Variants in RBMX2 observed in about 807,000 individuals in gnomAD.
RBMX2 encodes RNA binding motif protein X-linked 2.
For missense variants in RBMX2, 191 were observed against 256.0 expected, an observed-to-expected ratio of 0.75 and a Z score of 1.73; for synonymous variants, 77 against 94.3, an observed-to-expected ratio of 0.82 and a Z score of 1.07.
rs367934795 is a variant in RBMX2 at position 130,402,238 on chromosome X, C to G, written c.6-17C>G. The G allele has an allele frequency of 2.1e-4, 248 of 1,180,884 alleles. No individual in the cohort carries two copies. The highest frequency in any genetic ancestry group is 2.4e-4 in the Non-Finnish European group (212 of 880,832). ...GCTTTTCTGCCTACCCTCCCCACCC[C>G]CCCCGCCACCGTGAAGCCCTTTAAC... is the stretch of plus-strand genomic sequence containing the variant. On this transcript the variant is annotated splice_polypyrimidine_tract_variant and intron_variant, in intron 1 of 5. Coordinates refer to ENST00000305536, the MANE Select transcript of RBMX2 (RefSeq NM_016024.4).
intron 3 of RBMX2, 54 bp downstream of exon 3, chrX:130,403,907 T>C: frequency 8.8e-7 from 1 of 1,136,003 alleles, no homozygotes; most frequent in Non-Finnish European, 1.2e-6. Flanking sequence ...TTTGTTTCTG[T>C]AATACATTTT....
intron 4 of RBMX2, among the ~76,000 whole-genome samples, chrX:130,410,168 C>T (rs769705369): frequency 1.8e-5 from 2 of 111,378 alleles, no homozygotes; most frequent in South Asian, 7.6e-4. Context: ...AGCCAGCAGT[C>T]AGAGGGCATC....
At chrX:130,407,939 C>T (rs1255768081) in intron 3 of RBMX2, among the ~76,000 whole-genome samples, 4 of 111,375 alleles carry the variant, frequency 3.6e-5, no homozygotes, top group Non-Finnish European at 7.5e-5. Flanking sequence ...GTATTATGCA[C>T]GTGAGCCACC....
Position 130,402,415 on chromosome X carries a change from G to A in RBMX2, c.121+45G>A, listed in dbSNP as rs772975839. Reference sequence around the variant, plus strand: ...TCCTCAGTGCTCTCCAGATTCTCCTGCTCGGTTTCCGACTATTTCGGCATT... The same window carrying A: ...TCCTCAGTGCTCTCCAGATTCTCCTACTCGGTTTCCGACTATTTCGGCATT... On this transcript the variant is annotated intron_variant, in intron 2 of 5. Coordinates refer to ENST00000305536, the MANE Select transcript of RBMX2 (RefSeq NM_016024.4). 5.9e-5 allele frequency: 69 copies of A among 1,178,356 alleles called. 1 individual carries two copies. The South Asian group carries it at 1.1e-3, about 19-fold the overall frequency.
chrX:130,402,864 A>G (rs2034463605), intron 2 of RBMX2, among the ~76,000 whole-genome samples: 1 of 111,930 alleles, frequency 8.9e-6, no homozygotes, highest in African/African-American at 3.3e-5. Flanking sequence ...CCATTACTGT[A>G]TTCACTTTAT....
chrX:130,402,225 A>ACCCAACCCCCC, intron 1 of RBMX2, 30 bp from the exon 2 acceptor site: 2 of 984,788 alleles, frequency 2.0e-6, no homozygotes, highest in Non-Finnish European at 2.8e-6. Flanking sequence ...TTTTCTGCCT[A>ACCCAACCCCCC]CCCTCCCCAC....
chrX:130,402,793 CT>C lies in RBMX2; in HGVS notation c.121+425del, dbSNP rs764568920. Reference sequence around the variant, plus strand: ...GCTACCACCACCCTCCCCCATTCCCCTTCCCTTCCAGAATTCACTTTGCTCC... The same window carrying C: ...GCTACCACCACCCTCCCCCATTCCCCTCCCTTCCAGAATTCACTTTGCTCC... On this transcript the variant is annotated intron_variant, in intron 2 of 5. Coordinates refer to ENST00000305536, the MANE Select transcript of RBMX2 (RefSeq NM_016024.4). 4.5e-5 allele frequency among the ~76,000 whole-genome samples: 5 copies of C among 111,852 alleles called. No individual in the cohort carries two copies. In the East Asian group the frequency reaches 1.4e-3, roughly 31 times the overall value.
chrX:130,412,305 A>G (rs1603271983), intron 5 of RBMX2, 56 bp from the exon 6 acceptor site: 3 of 1,031,534 alleles, frequency 2.9e-6, no homozygotes. Context: ...TTTTTAAGGG[A>G]GTTCTTTTAT....
Position 130,412,679 on chromosome X carries a change from G to A in RBMX2, c.800G>A (p.Arg267Lys). 1 of 1,210,685 alleles carries A rather than the reference G, an allele frequency of 8.3e-7. No individual in the cohort carries two copies. Among genetic ancestry groups the A allele is most frequent in the Admixed American group, 2.2e-5 (1 of 45,898 alleles). Reference protein sequence around the residue: ...REAREEKTRIRDRGRSSDAHS... With the variant: ...REAREEKTRIKDRGRSSDAHS... ...GCAAGAGAAGAAAAGACCAGGATTAGGGACAGAGGGCGGAGCTCAGATGCA... is the reference window on the plus strand; with the variant it reads ...GCAAGAGAAGAAAAGACCAGGATTAAGGACAGAGGGCGGAGCTCAGATGCA... The change falls in exon 6 of 6, where the codon AGG becomes AAG. Residue 267 changes from arginine to lysine, a missense_variant. Transcript: ENST00000305536.
intron 5 of RBMX2, among the ~76,000 whole-genome samples, chrX:130,411,746 A>C (rs1422409130): frequency 1.8e-5 from 2 of 111,206 alleles, no homozygotes; most frequent in Non-Finnish European, 3.8e-5. Context: ...TCAGCACCTC[A>C]GAATGCGACT....
chrX:130,408,382 A>G (rs1431733689), intron 3 of RBMX2, among the ~76,000 whole-genome samples: 2 of 112,482 alleles, frequency 1.8e-5, no homozygotes, highest in African/African-American at 3.2e-5. Context: ...TCTCTTCACA[A>G]TAAAATTCTT....
intron 3 of RBMX2, 80 bp downstream of exon 3, chrX:130,403,933 C>A: frequency 4.0e-6 from 4 of 1,010,416 alleles, no homozygotes; most frequent in Non-Finnish European, 1.4e-6. Context: ...ATCACAAAAA[C>A]CACTTATTTT....
Position 130,412,340 on chromosome X carries a change from CTTCT to C in RBMX2, c.482-14_482-11del, listed in dbSNP as rs756293469. The stretch of plus-strand genomic sequence containing the variant: ...TTTTTTTCCCTTTTCTTATTTACTG[CTTCT>C]TTCTTTTATCCTCCAGACAAAAAGG... On this transcript the variant is annotated splice_polypyrimidine_tract_variant and intron_variant, in intron 5 of 5. Transcript: ENST00000305536. The C allele has an allele frequency of 9.3e-6, 10 of 1,077,617 alleles. No homozygotes were observed. Among genetic ancestry groups the C allele is most frequent in the Non-Finnish European group, 1.1e-5 (9 of 823,031 alleles). 88.8% of individuals were successfully genotyped at this position (1,077,617 alleles called of 1,213,427 possible).
In RBMX2 at chrX:130,402,285, G is replaced by C; in HGVS notation, c.36G>C (p.Glu12Asp). Residue 12 changes from glutamate to aspartate, a missense_variant, in exon 2 of 6, where the codon GAG becomes GAC. Transcript: ENST00000305536. ...TAACTAAGGTGAAGCTGATCAACGA[G>C]CTGAATGAACGAGAGGTCCAGCTTG... ...NPLTKVKLIN[E>D]LNEREVQLGV... The C allele has an allele frequency of 8.4e-7, 1 of 1,191,660 alleles. No individual in the cohort carries two copies. The highest frequency in any genetic ancestry group is 3.1e-5 in the East Asian group (1 of 32,732).
chrX:130,411,095 G>T lies in RBMX2; in HGVS notation c.304-253G>T, dbSNP rs371568139. 6.3e-4 allele frequency: 176 copies of T among 277,938 alleles called. 4 individuals are homozygous for T. The South Asian group carries it at 0.03, about 48-fold the overall frequency. 22.9% of individuals were successfully genotyped at this position (277,938 alleles called of 1,213,427 possible). On this transcript the variant is annotated intron_variant, in intron 4 of 5. Coordinates refer to ENST00000305536, the MANE Select transcript of RBMX2 (RefSeq NM_016024.4). ...CAGAACATGAAGATATTTGTATGCT[G>T]CCCCAGAGTAAAGTGATGAGGCTGC...
rs1248636781 is a variant in RBMX2 at position 130,402,003 on chromosome X, T to A, written c.-30T>A. The A allele has an allele frequency of 5.9e-6, 7 of 1,186,218 alleles. No individual in the cohort carries two copies. The highest frequency in any genetic ancestry group is 7.9e-6 in the Non-Finnish European group (7 of 881,387). On this transcript the variant is annotated 5_prime_UTR_variant, in exon 1 of 6. Transcript: ENST00000305536. ...CTGCGCTGCCTTTCCCGGGCGCTGA[T>A]TCCTGAGTGCTGAGCGCGAACCCGA...
chrX:130,401,989 T>C lies in RBMX2; in HGVS notation c.-44T>C, dbSNP rs765874915. Reference sequence around the variant, plus strand: ...GGGCCGCGCATGCGCTGCGCTGCCTTTCCCGGGCGCTGATTCCTGAGTGCT... The same window carrying C: ...GGGCCGCGCATGCGCTGCGCTGCCTCTCCCGGGCGCTGATTCCTGAGTGCT... On this transcript the variant is annotated 5_prime_UTR_variant, in exon 1 of 6. Coordinates refer to ENST00000305536, the MANE Select transcript of RBMX2 (RefSeq NM_016024.4). 8.5e-7 allele frequency: 1 copy of C among 1,179,712 alleles called. No homozygotes were observed. The highest frequency in any genetic ancestry group is 1.9e-5 in the South Asian group (1 of 53,505).
intron 2 of RBMX2, among the ~76,000 whole-genome samples, chrX:130,403,431 C>T (rs961883069): frequency 4.5e-5 from 5 of 112,249 alleles, no homozygotes; most frequent in African/African-American, 9.7e-5. Context: ...TGCAATGGCA[C>T]GATCTCGGCG....
At chrX:130,402,224 T>TTCCCCCCC in intron 1 of RBMX2, 31 bp from the exon 2 acceptor site, 40 of 1,174,248 alleles carry the variant, frequency 3.4e-5, no homozygotes, top group Non-Finnish European at 4.4e-5. Context: ...CTTTTCTGCC[T>TTCCCCCCC]ACCCTCCCCA....
Sources: allele counts gnomAD v4.1 joint callset (sites outside exome capture counted in the v4.1 genomes callset), GRCh38; gene constraint gnomAD v4.1.1; transcripts MANE v1.5; gene names NCBI Gene and HGNC (gene_info 2026-07-23, HGNC 2026-07-21).